GPR17: variants seen among roughly 807,000 people sequenced by gnomAD.
GPR17 encodes G protein-coupled receptor 17.
GPR17 carries 4 observed loss-of-function variants against 1.5 expected under a neutral mutation model. The ratio of observed to expected loss-of-function variants is 2.73; its 90% CI spans 1.35 to 6.25. The LOEUF (loss-of-function observed/expected upper bound fraction) is 6.25, where lower values mean the gene tolerates loss of function less well. Ranked by LOEUF, GPR17 falls within the 30% of genes most tolerant of loss-of-function variation. The pLI, the probability that GPR17 is intolerant of heterozygous loss-of-function variation, is 0.00. For synonymous variants in GPR17, 209 were observed against 207.6 expected, an observed-to-expected ratio of 1.01 and a Z score of -0.06; for missense variants, 463 against 462.1, an observed-to-expected ratio of 1.00 and a Z score of -0.02.
chr2:127,648,447 G>A (rs1032707500), intron 1 of GPR17, among the ~76,000 whole-genome samples: 4 of 152,116 alleles, frequency 2.6e-5, no homozygotes, highest in Admixed American at 6.5e-5. Flanking sequence ...GGAAGGGTGC[G>A]GCCCACCCTT....
At chr2:127,646,524 G>A (rs1309629330) in intron 1 of GPR17, 3 of 152,298 alleles carry the variant, frequency 2.0e-5, no homozygotes, top group Admixed American at 1.3e-4. Flanking sequence ...AGGCAGCCTT[G>A]ACCCATAGAG....
At chr2:127,650,051 C>A in intron 1 of GPR17, 1 of 1,608,160 alleles carries the variant, frequency 6.2e-7, no homozygotes, top group Non-Finnish European at 8.5e-7. Context: ...CAGAAAGCCC[C>A]CAAGAGAGAT....
chr2:127,648,286 G>A, intron 1 of GPR17: 1 of 744,838 alleles, frequency 1.3e-6, no homozygotes, highest in Non-Finnish European at 1.6e-6. Flanking sequence ...AATCTTTTCA[G>A]GTAGGGGAAC....
At chr2:127,649,884 G>A (rs1460839501) in intron 1 of GPR17, 1 of 751,684 alleles carries the variant, frequency 1.3e-6, no homozygotes, top group African/African-American at 1.8e-5. Context: ...TGGGTAAAAT[G>A]GGTCTTCCCC....
Position 127,651,117 on chromosome 2 carries a change from G to A in GPR17, c.382G>A (p.Asp128Asn), listed in dbSNP as rs200325251. The A allele has an allele frequency of 1.7e-4, 277 of 1,613,314 alleles. 1 individual carries two copies. Among genetic ancestry groups the A allele is most frequent in the Non-Finnish European group, 2.1e-4 (245 of 1,180,012 alleles). Residue 128 changes from aspartate (D) to asparagine (N), a missense_variant, in exon 2 of 2, where the codon GAC becomes AAC. By Grantham distance (23) the Asp-to-Asn change is conservative (BLOSUM62 1). Transcript: ENST00000486700. Reference sequence around the variant, plus strand: ...CTACTTCCTCACCTGCATCAGCGCCGACCGTTTCCTGGCCATTGTGCACCC... The same window carrying A: ...CTACTTCCTCACCTGCATCAGCGCCAACCGTTTCCTGGCCATTGTGCACCC... ...SIYFLTCISADRFLAIVHPVK... is the reference protein window; with the variant it reads ...SIYFLTCISANRFLAIVHPVK...
At chr2:127,649,098 G>GAAAAAA (rs376579491) in intron 1 of GPR17, among the ~76,000 whole-genome samples, 11,559 of 124,382 alleles carry the variant, frequency 0.093, 688 homozygotes, top group Non-Finnish European at 0.14. Context: ...AAAGAAAAAA[G>GAAAAAA]AAAAGAAAAA....
intron 1 of GPR17, among the ~76,000 whole-genome samples, chr2:127,648,980 A>AGGGGAGGGGAGG (rs1558877455): frequency 1.2e-3 from 21 of 17,118 alleles, no homozygotes; most frequent in East Asian, 1.9e-3. Flanking sequence ...GAGGGGAGGG[A>AGGGGAGGGGAGG]GGGGAGGGGA....
chr2:127,651,132 A>C lies in GPR17; in HGVS notation c.397A>C (p.Ile133Leu). The C allele has an allele frequency of 6.2e-7, 1 of 1,613,398 alleles. No homozygotes were observed. The highest frequency in any genetic ancestry group is 1.3e-5 in the African/African-American group (1 of 75,026). ...TCISADRFLA[I>L]VHPVKSLKLR... is the part of the protein sequence containing the mutation. ...CATCAGCGCCGACCGTTTCCTGGCC[A>C]TTGTGCACCCGGTCAAGTCCCTCAA... The change falls in exon 2 of 2, where the codon ATT becomes CTT. Residue 133 changes from isoleucine (I) to leucine (L), a missense_variant. Physicochemically the swap from Ile to Leu is conservative, Grantham distance 5. Transcript: ENST00000486700.
At position 127,652,635 on chromosome 2, in the gene GPR17, G is replaced by A. The variant is rs1683927378; in HGVS notation, c.*880G>A. On this transcript the variant is annotated 3_prime_UTR_variant, in exon 2 of 2. Coordinates refer to ENST00000486700, the MANE Select transcript of GPR17 (RefSeq NM_001161417.2). The stretch of plus-strand genomic sequence containing the variant: ...ACCATAAATATAACTGTAGCTTTAA[G>A]ACTACACAGGTTGTTATGTTTGGTC... 3 of 162,070 alleles carry A rather than the reference G, an allele frequency of 1.9e-5. No homozygotes were observed. Among genetic ancestry groups the A allele is most frequent in the African/African-American group, 4.8e-5 (2 of 41,444 alleles). 10.0% of individuals were successfully genotyped at this position (162,070 alleles called of 1,614,324 possible). A position where few individuals can be genotyped will look rare whatever the true frequency, so the allele number is the denominator to read the frequency against.
At chr2:127,649,795 G>C (rs1051576998) in intron 1 of GPR17, 48 of 560,800 alleles carry the variant, frequency 8.6e-5, no homozygotes, top group Non-Finnish European at 1.3e-4. Context: ...GCCTTCAAAC[G>C]TGGGCAAGCC....
At position 127,650,936 on chromosome 2, in the gene GPR17, C is replaced by G; in HGVS notation, c.201C>G (p.Asn67Lys). ...ACCACAAGTCCGGGACCCCGGCCAA[C>G]GTGTTCCTGATGCATCTGGCCGTGG... Reference protein sequence around the residue: ...IRDHKSGTPANVFLMHLAVAD... With the variant: ...IRDHKSGTPAKVFLMHLAVAD... Residue 67 changes from asparagine to lysine, a missense_variant, in exon 2 of 2, where the codon AAC becomes AAG. Transcript: ENST00000486700. 1 of 1,614,000 alleles carries G rather than the reference C, an allele frequency of 6.2e-7. No homozygotes were observed. Among genetic ancestry groups the G allele is most frequent in the South Asian group, 1.1e-5 (1 of 91,088 alleles).
chr2:127,647,014 G>T lies in GPR17; in HGVS notation c.-21+770G>T, dbSNP rs184400228. On this transcript the variant is annotated intron_variant, in intron 1 of 1. Transcript: ENST00000486700. This position sits in a 1 kb window ranked among gnomAD's most constrained non-coding sequence, Gnocchi z 4.3. ...AGAGAGAGCGAGGGGCACGCCCTTC[G>T]GCCCGGGCAGGAAGTGGAGGGCAGT... Among the ~76,000 whole-genome samples the T allele has an allele frequency of 6.6e-6, 1 of 152,136 alleles. No individual in the cohort carries two copies. Among genetic ancestry groups the T allele is most frequent in the African/African-American group, 2.4e-5 (1 of 41,424 alleles).
rs1316207098 is a variant in GPR17, at chr2:127,651,834, G to A, written c.*79G>A. On this transcript the variant is annotated 3_prime_UTR_variant, in exon 2 of 2. Transcript: ENST00000486700. ...GCAAGAGGCATCTGCCCTTTCCCCA[G>A]CCACCTCCCCAGCAAGCAACCTGAA... The A allele has an allele frequency of 5.1e-6, 7 of 1,367,760 alleles. No homozygotes were observed. The highest frequency in any genetic ancestry group is 1.0e-6 in the Non-Finnish European group (1 of 989,600). 84.7% of individuals were successfully genotyped at this position (1,367,760 alleles called of 1,614,324 possible).
chr2:127,648,814 A>T (rs1683272964), intron 1 of GPR17, among the ~76,000 whole-genome samples: 1 of 150,906 alleles, frequency 6.6e-6, no homozygotes, highest in South Asian at 2.1e-4. Context: ...CCAGCTATTC[A>T]GGAGGTTGAG....
chr2:127,649,815 C>T, intron 1 of GPR17: 1 of 585,158 alleles, frequency 1.7e-6, no homozygotes, highest in Non-Finnish European at 3.0e-6. Context: ...CACGAGGCCT[C>T]CAGGCCTCTC....
At position 127,651,552 on chromosome 2, in the gene GPR17, C is replaced by A. The variant is rs774720883; in HGVS notation, c.817C>A (p.Arg273Ser). 9 of 1,612,530 alleles carry A rather than the reference C, an allele frequency of 5.6e-6. No individual in the cohort carries two copies. Among genetic ancestry groups the A allele is most frequent in the Middle Eastern group, 1.6e-4 (1 of 6,062 alleles). The change falls in exon 2 of 2, where the codon CGC becomes AGC. Residue 273 changes from arginine to serine, a missense_variant. Transcript: ENST00000486700. ...RSHGASCATQ[R>S]ILALANRITS... ...CCATGGGGCCTCCTGCGCCACCCAGCGCATCCTGGCCCTGGCAAACCGCAT... is the reference window on the plus strand; with the variant it reads ...CCATGGGGCCTCCTGCGCCACCCAGAGCATCCTGGCCCTGGCAAACCGCAT...
intron 1 of GPR17, among the ~76,000 whole-genome samples, chr2:127,649,579 C>T (rs990813066): frequency 5.9e-5 from 9 of 152,354 alleles, no homozygotes; most frequent in South Asian, 2.1e-4. Flanking sequence ...CTGGCCCCAC[C>T]GCCTGCCCAC....
In GPR17 at chr2:127,651,134, T is replaced by C. The variant is rs1404364699; in HGVS notation, c.399T>C (p.Ile133=). The C allele has an allele frequency of 3.1e-6, 5 of 1,613,400 alleles. No homozygotes were observed. The highest frequency in any genetic ancestry group is 4.2e-6 in the Non-Finnish European group (5 of 1,179,996). Residue 133 remains isoleucine (I), a synonymous_variant, in exon 2 of 2, where the codon ATT becomes ATC. Coordinates refer to ENST00000486700, the MANE Select transcript of GPR17 (RefSeq NM_001161417.2). Reference sequence around the variant, plus strand: ...TCAGCGCCGACCGTTTCCTGGCCATTGTGCACCCGGTCAAGTCCCTCAAGC... The same window carrying C: ...TCAGCGCCGACCGTTTCCTGGCCATCGTGCACCCGGTCAAGTCCCTCAAGC... ...TCISADRFLA[I]VHPVKSLKLR... is the part of the protein sequence containing the mutation.
intron 1 of GPR17, among the ~76,000 whole-genome samples, chr2:127,648,958 AGGGGAG>A (rs1683300734): frequency 7.3e-5 from 2 of 27,422 alleles, no homozygotes; most frequent in African/African-American, 3.2e-4. Flanking sequence ...AGGGGAGGGG[AGGGGAG>A]GGGGGGAGGG....
Sources: allele counts gnomAD v4.1 joint callset (sites outside exome capture counted in the v4.1 genomes callset), GRCh38; gene constraint gnomAD v4.1.1; non-coding constraint Gnocchi (gnomAD v3.1); transcripts MANE v1.5; gene names NCBI Gene and HGNC (gene_info 2026-07-23, HGNC 2026-07-21).